The following VPS13D variants were observed in gnomAD, a reference collection of about 807,000 sequenced individuals.
VPS13D encodes intermembrane lipid transfer protein VPS13D.
A neutral mutation model predicts 461.9 loss-of-function variants in VPS13D; 187 were observed. The ratio of observed to expected loss-of-function variants is 0.40; its 90% CI spans 0.36 to 0.46. The LOEUF (loss-of-function observed/expected upper bound fraction) is 0.46. Ranked by LOEUF, VPS13D falls within the 20% of genes least tolerant of loss-of-function variation. VPS13D has a pLI of 0.60. For missense variants in VPS13D, 4,711 were observed against 5,364.9 expected, an observed-to-expected ratio of 0.88 and a Z score of 3.81; for synonymous variants, 1,951 against 1,986.3, an observed-to-expected ratio of 0.98 and a Z score of 0.47.
chr1:12,361,413 T>TTTTTGAGACG (rs1643947371), intron 50 of VPS13D, among the ~76,000 whole-genome samples: 1 of 149,276 alleles, frequency 6.7e-6, no homozygotes, highest in African/African-American at 2.5e-5. Flanking sequence ...ATTTTTTTTT[T>TTTTTGAGACG]GAGACGGAGT....
chr1:12,324,480 G>A (rs1557709869), intron 35 of VPS13D, among the ~76,000 whole-genome samples: 1 of 152,188 alleles, frequency 6.6e-6, no homozygotes, highest in Admixed American at 6.5e-5. Context: ...CTACAGCCTA[G>A]GCAACAGAGC....
chr1:12,497,310 G>T (rs1017478727), intron 67 of VPS13D, 190 bp from the exon 68 acceptor site: 16 of 533,474 alleles, frequency 3.0e-5, no homozygotes, highest in Admixed American at 4.2e-5. Context: ...GTAGAGGCAG[G>T]ATTCAAAGTC....
intron 39 of VPS13D, chr1:12,336,812 G>A (rs1643461166): frequency 6.6e-6 from 1 of 152,192 alleles, no homozygotes; most frequent in African/African-American, 2.4e-5. Context: ...TGTCAGCTTT[G>A]ATTTTAGCTC....
intron 67 of VPS13D, among the ~76,000 whole-genome samples, chr1:12,480,060 G>A (rs546742906): frequency 6.6e-6 from 1 of 152,292 alleles, no homozygotes; most frequent in Non-Finnish European, 1.5e-5. Context: ...GCCTAGAGAA[G>A]CAGGTCACTA....
intron 24 of VPS13D, 72 bp downstream of exon 24, chr1:12,293,776 T>G (rs1175668689): frequency 1.3e-6 from 2 of 1,488,730 alleles, no homozygotes; most frequent in African/African-American, 1.4e-5. Flanking sequence ...CCTCTAGAGA[T>G]GAATCTGGAA....
intron 54 of VPS13D, among the ~76,000 whole-genome samples, chr1:12,371,537 C>A (rs1446957106): frequency 1.3e-5 from 2 of 151,872 alleles, no homozygotes; most frequent in Non-Finnish European, 2.9e-5. Flanking sequence ...ATTACAGGTG[C>A]ATGCCACCAC....
intron 67 of VPS13D, among the ~76,000 whole-genome samples, chr1:12,484,283 C>G (rs1253547441): frequency 6.6e-6 from 1 of 152,152 alleles, no homozygotes; most frequent in African/African-American, 2.4e-5. Flanking sequence ...AGCGCTCCCA[C>G]TTACCTCCTT....
At chr1:12,319,111 A>C (rs1207640953) in intron 31 of VPS13D, among the ~76,000 whole-genome samples, 1 of 152,240 alleles carries the variant, frequency 6.6e-6, no homozygotes, top group East Asian at 1.9e-4. Flanking sequence ...CCTGACCAGC[A>C]TTAGTAGCTG....
chr1:12,358,857 G>C (rs928944137), intron 50 of VPS13D, among the ~76,000 whole-genome samples: 2 of 152,178 alleles, frequency 1.3e-5, no homozygotes, highest in Admixed American at 6.5e-5. Context: ...CCTGTGTCAG[G>C]AAAGTATCAG....
intron 6 of VPS13D, among the ~76,000 whole-genome samples, chr1:12,252,807 C>T (rs1331823955): frequency 6.7e-6 from 1 of 150,020 alleles, no homozygotes; most frequent in Admixed American, 6.7e-5. Context: ...AAAATATTCC[C>T]CCTCCCCCTA....
rs747673905 is a variant in VPS13D, at chr1:12,262,104, C to T, written c.1594+24C>T. Reference sequence around the variant, plus strand: ...AGGTACACTGCCCCCAAGAAACTACCTGCCACTGTTGTCTCTCTGTGGGCC... The same window carrying T: ...AGGTACACTGCCCCCAAGAAACTACTTGCCACTGTTGTCTCTCTGTGGGCC... On this transcript the variant is annotated intron_variant, in intron 13 of 69. Coordinates refer to ENST00000620676, the MANE Select transcript of VPS13D (RefSeq NM_015378.4). 2.5e-6 allele frequency: 4 copies of T among 1,592,838 alleles called. No homozygotes were observed. The South Asian group carries it at 4.5e-5, about 18-fold the overall frequency.
At chr1:12,319,394 C>G in intron 31 of VPS13D, 103 bp from the exon 32 acceptor site, 1 of 1,502,774 alleles carries the variant, frequency 6.7e-7, no homozygotes, top group Non-Finnish European at 9.1e-7. Flanking sequence ...CTTACTGGTT[C>G]ATGTTGTTGC....
At chr1:12,381,510 T>C (rs1051910568) in intron 57 of VPS13D, among the ~76,000 whole-genome samples, 2 of 152,228 alleles carry the variant, frequency 1.3e-5, no homozygotes, top group Non-Finnish European at 2.9e-5. Flanking sequence ...TGAGAAGGAC[T>C]CCGTACTTCT....
intron 67 of VPS13D, among the ~76,000 whole-genome samples, chr1:12,494,793 G>C (rs1244390153): frequency 6.6e-6 from 1 of 152,204 alleles, no homozygotes; most frequent in Non-Finnish European, 1.5e-5. Flanking sequence ...GGAAGATGGG[G>C]TTCTAGCTGC....
chr1:12,321,805 G>T lies in VPS13D; in HGVS notation c.7549-4G>T. 6.3e-7 allele frequency: 1 copy of T among 1,599,034 alleles called. No homozygotes were observed. Among genetic ancestry groups the T allele is most frequent in the South Asian group, 1.1e-5 (1 of 88,050 alleles). On this transcript the variant is annotated splice_polypyrimidine_tract_variant and splice_region_variant and intron_variant, in intron 32 of 69. Transcript: ENST00000620676. ...TTCTCGCCATATTGCATTTCATTCT[G>T]TAGGTGTTTTCATGCCGACTAGGGA...
At chr1:12,435,597 C>T (rs1022580818) in intron 65 of VPS13D, among the ~76,000 whole-genome samples, 16 of 152,104 alleles carry the variant, frequency 1.1e-4, no homozygotes, top group Admixed American at 4.6e-4. Context: ...AATGAGGATA[C>T]TGACGTTCAG....
Position 12,262,090 on chromosome 1 carries a change from C to T in VPS13D, c.1594+10C>T. The T allele has an allele frequency of 6.3e-7, 1 of 1,599,538 alleles. No homozygotes were observed. ...CAGCTCGAGTTTTCAGGTACACTGC[C>T]CCCAAGAAACTACCTGCCACTGTTG... is the stretch of plus-strand genomic sequence containing the variant. On this transcript the variant is annotated intron_variant, in intron 13 of 69. Transcript: ENST00000620676.
intron 18 of VPS13D, among the ~76,000 whole-genome samples, chr1:12,274,947 G>A (rs1366149449): frequency 1.3e-5 from 2 of 152,024 alleles, no homozygotes; most frequent in Non-Finnish European, 2.9e-5. Flanking sequence ...GGCCAGGTGC[G>A]GTGGCTCACG....
At chr1:12,357,299 A>G (rs117912431) in intron 49 of VPS13D, among the ~76,000 whole-genome samples, 2,879 of 152,334 alleles carry the variant, frequency 0.019, 110 homozygotes, top group Admixed American at 0.099. Flanking sequence ...GTTGGAGTGT[A>G]GATTACCGTT....
Sources: gnomAD v4.1 joint callset for allele counts (sites outside exome capture counted in the v4.1 genomes callset) on GRCh38, gnomAD v4.1.1 for gene constraint, MANE v1.5 for transcripts, NCBI Gene and HGNC (gene_info 2026-07-23, HGNC 2026-07-21) for gene names.